TMEM178B: variants seen among roughly 807,000 people sequenced by gnomAD.
TMEM178B encodes the protein transmembrane protein 178B.
In TMEM178B, 5 loss-of-function variants were observed where a neutral mutation model predicts 31.0. The observed-to-expected ratio is 0.16, with a 90% CI of 0.08 to 0.34. The LOEUF (loss-of-function observed/expected upper bound fraction) is 0.34. TMEM178B is among the 10% of genes least tolerant of loss of function. TMEM178B has a pLI of 1.00. For synonymous variants in TMEM178B, 164 were observed against 164.0 expected (o/e 1.00, Z 0.00); for missense variants, 275 against 400.3 (o/e 0.69, Z 2.67).
intron 1 of TMEM178B, among the ~76,000 whole-genome samples, chr7:141,143,942 A>G (rs1254117946): frequency 6.6e-6 from 1 of 152,116 alleles, no homozygotes; most frequent in Non-Finnish European, 1.5e-5. Flanking sequence ...CTCTTTGGTT[A>G]GATGTATTCC....
chr7:141,081,833 C>T (rs980632902), intron 1 of TMEM178B, among the ~76,000 whole-genome samples: 5 of 152,124 alleles, frequency 3.3e-5, no homozygotes, highest in Admixed American at 3.3e-4. Flanking sequence ...TGTCCTAGGA[C>T]CTCACTTTCA....
At chr7:141,310,758 T>C (rs1273181020) in intron 2 of TMEM178B, among the ~76,000 whole-genome samples, 1 of 152,206 alleles carries the variant, frequency 6.6e-6, no homozygotes, top group Non-Finnish European at 1.5e-5. Context: ...CTCAAAGACC[T>C]AGAACCAGAA....
At chr7:141,221,867 G>A (rs907462827) in intron 2 of TMEM178B, among the ~76,000 whole-genome samples, 1 of 152,232 alleles carries the variant, frequency 6.6e-6, no homozygotes, top group Non-Finnish European at 1.5e-5. Context: ...GGGGTCGATT[G>A]CCTGGAAGTG....
chr7:141,452,750 G>A (rs1217201310), intron 3 of TMEM178B, among the ~76,000 whole-genome samples: 1 of 152,162 alleles, frequency 6.6e-6, no homozygotes, highest in Non-Finnish European at 1.5e-5. Flanking sequence ...AAAATATCTA[G>A]CAGAGAGTAG....
chr7:141,168,848 A>G (rs887872186), intron 1 of TMEM178B, among the ~76,000 whole-genome samples: 3 of 152,132 alleles, frequency 2.0e-5, no homozygotes, highest in African/African-American at 7.2e-5. Context: ...TTTAATTTTT[A>G]TCGGGACATA....
chr7:141,225,343 A>G (rs138953012), intron 2 of TMEM178B, among the ~76,000 whole-genome samples: 154 of 152,178 alleles, frequency 1.0e-3, no homozygotes, highest in Admixed American at 3.6e-3. Context: ...CTCTTTGTCC[A>G]TTTGTTCAAA....
At chr7:141,417,369 G>A (rs1207557753) in intron 2 of TMEM178B, among the ~76,000 whole-genome samples, 1 of 152,204 alleles carries the variant, frequency 6.6e-6, no homozygotes, top group African/African-American at 2.4e-5. Flanking sequence ...AGAACCCCAA[G>A]GCTTTCTGGA....
intron 1 of TMEM178B, among the ~76,000 whole-genome samples, chr7:141,096,848 C>T (rs1435717911): frequency 6.6e-6 from 1 of 152,060 alleles, no homozygotes; most frequent in African/African-American, 2.4e-5. Flanking sequence ...TATCCCAGCA[C>T]TTGGGGAAGC....
intron 1 of TMEM178B, among the ~76,000 whole-genome samples, chr7:141,207,521 C>T (rs570684668): frequency 2.6e-5 from 4 of 152,282 alleles, no homozygotes; most frequent in Admixed American, 6.5e-5. Flanking sequence ...AGTTTCAATT[C>T]GCATTTCCCT....
At chr7:141,456,812 G>A (rs758779419) in intron 3 of TMEM178B, among the ~76,000 whole-genome samples, 9 of 152,284 alleles carry the variant, frequency 5.9e-5, no homozygotes, top group Non-Finnish European at 1.2e-4. Flanking sequence ...AAGATGGCAC[G>A]CTCTAAGTGG....
intron 2 of TMEM178B, among the ~76,000 whole-genome samples, chr7:141,278,101 T>C (rs1798295774): frequency 6.6e-6 from 1 of 152,212 alleles, no homozygotes; most frequent in African/African-American, 2.4e-5. Flanking sequence ...ATTGGGAATA[T>C]CTAAGAATTT....
intron 1 of TMEM178B, among the ~76,000 whole-genome samples, chr7:141,207,678 T>A (rs1182490544): frequency 1.3e-5 from 2 of 152,184 alleles, no homozygotes; most frequent in African/African-American, 4.8e-5. Flanking sequence ...GAAACTCTCC[T>A]TAATTACCTG....
At chr7:141,498,037 C>G in the TMEM178B span, among the ~76,000 whole-genome samples, 1 of 152,196 alleles carries the variant, frequency 6.6e-6, no homozygotes, top group Non-Finnish European at 1.5e-5. Context: ...TATCTCTAAG[C>G]TACCTTTTAA....
intron 2 of TMEM178B, among the ~76,000 whole-genome samples, chr7:141,425,384 G>A (rs1054227655): frequency 2.6e-5 from 4 of 152,204 alleles, no homozygotes; most frequent in African/African-American, 9.6e-5. Context: ...TCTCAGTGAT[G>A]TGTGATATAG....
downstream of TMEM178B, among the ~76,000 whole-genome samples, chr7:141,480,638 CTG>C (rs1008517348): frequency 3.3e-5 from 5 of 152,204 alleles, no homozygotes; most frequent in Non-Finnish European, 5.9e-5. Context: ...AAGAGGGAAA[CTG>C]TTGTTCTTTT....
chr7:141,482,864 G>A (rs1315011562), downstream of TMEM178B, among the ~76,000 whole-genome samples: 3 of 149,714 alleles, frequency 2.0e-5, no homozygotes, highest in African/African-American at 4.9e-5. Context: ...ATTGGCAATC[G>A]GGAAGCTCAC....
At chr7:141,363,587 T>A (rs978146183) in intron 2 of TMEM178B, among the ~76,000 whole-genome samples, 2 of 152,232 alleles carry the variant, frequency 1.3e-5, no homozygotes, top group African/African-American at 4.8e-5. Flanking sequence ...TCTCTGAGGC[T>A]GAATGTTTTC....
intron 1 of TMEM178B, among the ~76,000 whole-genome samples, chr7:141,103,123 C>G (rs566899336): frequency 1.3e-5 from 2 of 152,300 alleles, no homozygotes; most frequent in South Asian, 4.1e-4. Context: ...CTGTCATTTT[C>G]CAGCTACCTA....
chr7:141,361,826 T>C (rs1799922948), intron 2 of TMEM178B, among the ~76,000 whole-genome samples: 1 of 152,126 alleles, frequency 6.6e-6, no homozygotes. Context: ...AAAGATAGAG[T>C]AGGCTGCATG....
Sources: gnomAD v4.1 joint callset for allele counts (sites outside exome capture counted in the v4.1 genomes callset) on GRCh38, gnomAD v4.1.1 for gene constraint, MANE v1.5 for transcripts, NCBI Gene and HGNC (gene_info 2026-07-23, HGNC 2026-07-21) for gene names.